LYPLA1: variants seen among roughly 807,000 people sequenced by gnomAD.
The protein encoded by LYPLA1 is acyl-protein thioesterase 1.
Under a neutral mutation model 34.0 loss-of-function variants are expected in LYPLA1, and 17 were observed. The observed-to-expected ratio is 0.50, with a 90% CI of 0.34 to 0.75. The LOEUF is 0.75. Among genes scored for constraint, LYPLA1 ranks in the 30% least tolerant of loss-of-function variants. LYPLA1 has a pLI of 0.01. For synonymous variants in LYPLA1, 98 were observed against 100.8 expected (o/e 0.97, Z 0.17); for missense variants, 203 against 288.8 (o/e 0.70, Z 2.15).
chr8:54,092,264 G>T (rs1809346936), intron 2 of LYPLA1, among the ~76,000 whole-genome samples: 1 of 150,338 alleles, frequency 6.7e-6, no homozygotes, highest in African/African-American at 2.5e-5. Flanking sequence ...AGGAGAAGGA[G>T]GAGAAGGAGA....
At chr8:54,100,071 T>G (rs1810001467) in intron 2 of LYPLA1, among the ~76,000 whole-genome samples, 1 of 152,222 alleles carries the variant, frequency 6.6e-6, no homozygotes, top group African/African-American at 2.4e-5. Context: ...ATTTCTGCAA[T>G]TTTTCAACAA....
At chr8:54,098,719 C>A (rs965654101) in intron 2 of LYPLA1, among the ~76,000 whole-genome samples, 13 of 152,044 alleles carry the variant, frequency 8.6e-5, no homozygotes, top group Admixed American at 7.9e-4. Context: ...GAATGGTGTA[C>A]AATTTTAAAC....
chr8:54,084,124 G>GAAAAAAAAAAAAAAAAAAAA (rs201545035), intron 2 of LYPLA1, among the ~76,000 whole-genome samples: 5 of 56,388 alleles, frequency 8.9e-5, no homozygotes, highest in African/African-American at 3.6e-4. Context: ...GGAGACCAAA[G>GAAAAAAAAAAAAAAAAAAAA]AAAAAAAAAA....
chr8:54,063,404 C>A, intron 3 of LYPLA1, 29 bp from the exon 4 acceptor site: 1 of 1,428,174 alleles, frequency 7.0e-7, no homozygotes, highest in South Asian at 1.3e-5. Flanking sequence ...ACAACAAAAT[C>A]AGAATAACAA....
At chr8:54,076,750 C>G (rs1268443649) in intron 2 of LYPLA1, among the ~76,000 whole-genome samples, 2 of 152,230 alleles carry the variant, frequency 1.3e-5, no homozygotes, top group Admixed American at 1.3e-4. Context: ...CTGCAGTTAA[C>G]TAGCCCAACC....
Position 54,060,132 on chromosome 8 carries a change from C to CTTTT in LYPLA1, c.286+2118_286+2121dup, listed in dbSNP as rs112722082. On this transcript the variant is annotated intron_variant, in intron 5 of 8. Transcript: ENST00000316963. The stretch of plus-strand genomic sequence containing the variant: ...TGTGCACCTGTGCATTTCTTTCTTT[C>CTTTT]TTTTTTTCCTGAGACGGAGTTTCAC... Among the ~76,000 whole-genome samples the CTTTT allele has an allele frequency of 7.6e-4, 115 of 151,290 alleles. 2 individuals carry two copies. In the South Asian group the frequency reaches 0.022, roughly 29 times the overall value.
chr8:54,073,685 A>C (rs1045976495), intron 2 of LYPLA1: 1 of 369,640 alleles, frequency 2.7e-6, no homozygotes, highest in African/African-American at 2.1e-5. Context: ...AGTTGCCTTA[A>C]AATAATGAAT....
At chr8:54,093,478 G>GA (rs531841223) in intron 2 of LYPLA1, among the ~76,000 whole-genome samples, 67 of 152,310 alleles carry the variant, frequency 4.4e-4, no homozygotes, top group African/African-American at 1.6e-3. Context: ...GGAGTTATCA[G>GA]AAACGGAACA....
At chr8:54,048,217 G>A (rs1805604225) in intron 8 of LYPLA1, 99 bp from the exon 9 acceptor site, 2 of 705,582 alleles carry the variant, frequency 2.8e-6, no homozygotes, top group Non-Finnish European at 5.0e-6. Flanking sequence ...TATGCATAAA[G>A]GCGAAATCAC....
chr8:54,084,750 G>T (rs927650565), intron 2 of LYPLA1, among the ~76,000 whole-genome samples: 2 of 152,082 alleles, frequency 1.3e-5, no homozygotes, highest in Non-Finnish European at 2.9e-5. Context: ...GATTATAAGA[G>T]AACAGTATGA....
At chr8:54,101,040 C>A in intron 1 of LYPLA1, 101 bp from the exon 2 acceptor site, 1 of 997,146 alleles carries the variant, frequency 1.0e-6, no homozygotes, top group South Asian at 1.4e-5. Context: ...ACGAAACCTA[C>A]GAGAGAATTA....
intron 1 of LYPLA1, 73 bp from the exon 2 acceptor site, chr8:54,101,012 C>T: frequency 2.4e-6 from 3 of 1,273,822 alleles, no homozygotes; most frequent in Non-Finnish European, 3.4e-6. Flanking sequence ...ACTAGCTTTG[C>T]TTAAGGTGGA....
chr8:54,048,740 C>T (rs1805640231), intron 8 of LYPLA1, among the ~76,000 whole-genome samples: 1 of 152,202 alleles, frequency 6.6e-6, no homozygotes, highest in South Asian at 2.1e-4. Context: ...TACTTAGCCT[C>T]ACAGTGCCAA....
chr8:54,066,172 C>A (rs956301343), intron 2 of LYPLA1, among the ~76,000 whole-genome samples: 2 of 152,020 alleles, frequency 1.3e-5, no homozygotes, highest in Non-Finnish European at 2.9e-5. Context: ...CTCCTGACCT[C>A]GTGATCCGCT....
intron 2 of LYPLA1, among the ~76,000 whole-genome samples, chr8:54,066,410 T>C (rs1009978814): frequency 6.6e-6 from 1 of 152,116 alleles, no homozygotes; most frequent in Non-Finnish European, 1.5e-5. Context: ...TTCCAAACTA[T>C]AGATATATTT....
chr8:54,077,773 G>A (rs938112375), intron 2 of LYPLA1, among the ~76,000 whole-genome samples: 2 of 152,208 alleles, frequency 1.3e-5, no homozygotes, highest in Middle Eastern at 3.4e-3. Context: ...TTTATCTGAC[G>A]GTCTAGAACG....
chr8:54,094,998 C>T (rs1262388169), intron 2 of LYPLA1, among the ~76,000 whole-genome samples: 1 of 152,016 alleles, frequency 6.6e-6, no homozygotes, highest in African/African-American at 2.4e-5. Flanking sequence ...CTCTACCCCA[C>T]AGTAGACTGC....
intron 2 of LYPLA1, among the ~76,000 whole-genome samples, chr8:54,099,125 GTT>G (rs565809813): frequency 0.13 from 19,191 of 145,762 alleles, 3,185 homozygotes; most frequent in African/African-American, 0.4. Flanking sequence ...CTAGACTGAA[GTT>G]TTTTTTTTTT....
At chr8:54,092,489 T>C (rs1283509126) in intron 2 of LYPLA1, among the ~76,000 whole-genome samples, 1 of 152,160 alleles carries the variant, frequency 6.6e-6, no homozygotes, top group Non-Finnish European at 1.5e-5. Context: ...TCAAGTGATT[T>C]TGATGCATGC....
Sources: gnomAD v4.1 joint callset for allele counts (sites outside exome capture counted in the v4.1 genomes callset) on GRCh38, gnomAD v4.1.1 for gene constraint, MANE v1.5 for transcripts, NCBI Gene and HGNC (gene_info 2026-07-23, HGNC 2026-07-21) for gene names.